TUSC3: variants seen among roughly 807,000 people sequenced by gnomAD.
TUSC3 encodes the protein tumor suppressor candidate 3, also known as dolichyl-diphosphooligosaccharide--protein glycosyltransferase subunit TUSC3.
In TUSC3, 45 loss-of-function variants were observed where a neutral mutation model predicts 44.8. That is an observed-to-expected ratio of 1.00 (90% CI 0.79 to 1.29). The LOEUF (loss-of-function observed/expected upper bound fraction) is 1.29, where lower values mean the gene tolerates loss of function less well. TUSC3 is among the 50% of genes most tolerant of loss of function. The pLI, the probability that TUSC3 is intolerant of heterozygous loss-of-function variation, is 0.00. For synonymous variants in TUSC3, 212 were observed against 152.9 expected, an observed-to-expected ratio of 1.39 and a Z score of -2.85; for missense variants, 519 against 437.9, an observed-to-expected ratio of 1.19 and a Z score of -1.65.
At position 15,754,679 on chromosome 8, in the gene TUSC3, A is replaced by T. The variant is rs150463508; in HGVS notation, c.1029-3112A>T. 3.4e-3 allele frequency among the ~76,000 whole-genome samples: 513 copies of T among 152,202 alleles called. 1 individual carries two copies. Among genetic ancestry groups the T allele is most frequent in the African/African-American group, 0.012 (490 of 41,536 alleles). On this transcript the variant is annotated intron_variant, in intron 9 of 10. Coordinates refer to ENST00000503731, the MANE Select transcript of TUSC3 (RefSeq NM_006765.4). Reference sequence around the variant, plus strand: ...GTTATGCCTCCGCCTTTTAGCCCTCAGTGTCTTCGTTTTGCATTTTTGTGA... The same window carrying T: ...GTTATGCCTCCGCCTTTTAGCCCTCTGTGTCTTCGTTTTGCATTTTTGTGA...
At chr8:15,657,909 C>T (rs144063342) in intron 3 of TUSC3, among the ~76,000 whole-genome samples, 5 of 152,234 alleles carry the variant, frequency 3.3e-5, no homozygotes, top group Admixed American at 1.3e-4. Flanking sequence ...TACCTGCCGG[C>T]GTCTTGCCAG....
At position 15,742,194 on chromosome 8, in the gene TUSC3, TAAAA is replaced by T. The variant is rs916639866; in HGVS notation, c.863-1343_863-1340del. ...TTTCAAGCTGTGTAGCATGGATCTCTAAAAGTTTAGTGCTAGTCTATGGTATGTG... is the reference window on the plus strand; with the variant it reads ...TTTCAAGCTGTGTAGCATGGATCTCTGTTTAGTGCTAGTCTATGGTATGTG... On this transcript the variant is annotated intron_variant, in intron 7 of 10. Transcript: ENST00000503731. 8.0e-5 allele frequency among the ~76,000 whole-genome samples: 4 copies of T among 50,062 alleles called. No homozygotes were observed. In the Admixed American group the frequency reaches 8.6e-4, roughly 11 times the overall value. The allele number at this position is 50,062 out of a possible 152,430, so 32.8% of individuals were successfully genotyped here. A position where few individuals can be genotyped will look rare whatever the true frequency, so the allele number is the denominator to read the frequency against.
intron 1 of TUSC3, among the ~76,000 whole-genome samples, chr8:15,428,383 G>T (rs1208153209): frequency 6.6e-6 from 1 of 151,638 alleles, no homozygotes; most frequent in Non-Finnish European, 1.5e-5. Flanking sequence ...TGGACATTTG[G>T]GTTGGTTCCA....
chr8:15,698,665 G>A (rs1346937164), intron 6 of TUSC3, among the ~76,000 whole-genome samples: 1 of 152,012 alleles, frequency 6.6e-6, no homozygotes, highest in Admixed American at 6.6e-5. Flanking sequence ...AGATATTTAG[G>A]ATATTTTTTC....
chr8:15,522,058 A>G (rs140713826), intron 2 of TUSC3, among the ~76,000 whole-genome samples: 277 of 152,256 alleles, frequency 1.8e-3, no homozygotes, highest in African/African-American at 5.8e-3. Context: ...TCTTTCCTCA[A>G]TGCTATGGCA....
the TUSC3 span, among the ~76,000 whole-genome samples, chr8:15,808,466 G>T: frequency 6.6e-6 from 1 of 152,118 alleles, no homozygotes; most frequent in Non-Finnish European, 1.5e-5. Context: ...AGCTTAAGGG[G>T]TTAGAAAAGT....
intron 2 of TUSC3, among the ~76,000 whole-genome samples, chr8:15,497,543 C>T (rs10101415): frequency 0.99 from 150,852 of 152,212 alleles, 74,761 homozygotes; most frequent in South Asian, 1. Context: ...GGCAATTCTT[C>T]GGAGGGGTGG....
chr8:15,818,159 G>A, the TUSC3 span, among the ~76,000 whole-genome samples: 4,174 of 152,286 alleles, frequency 0.027, 194 homozygotes, highest in African/African-American at 0.095. Flanking sequence ...GTCAGGGGAT[G>A]ATGTCAAGAC....
At chr8:15,698,115 T>C (rs1809247534) in intron 6 of TUSC3, among the ~76,000 whole-genome samples, 1 of 152,206 alleles carries the variant, frequency 6.6e-6, no homozygotes, top group Non-Finnish European at 1.5e-5. Flanking sequence ...AAAATGAATC[T>C]TAAAAAATAC....
chr8:15,688,925 T>A (rs534509981), intron 6 of TUSC3: 2 of 177,978 alleles, frequency 1.1e-5, no homozygotes, highest in African/African-American at 4.8e-5. Context: ...GCACCAGGGG[T>A]CGCCTGCTTG....
chr8:15,554,747 C>T (rs1802178758), intron 1 of TUSC3, among the ~76,000 whole-genome samples: 1 of 150,520 alleles, frequency 6.6e-6, no homozygotes, highest in African/African-American at 2.4e-5. Context: ...GGACCACAGG[C>T]GCCCTCACCA....
chr8:15,742,283 A>G (rs1811230319), intron 7 of TUSC3, among the ~76,000 whole-genome samples: 1 of 110,948 alleles, frequency 9.0e-6, no homozygotes. Context: ...GTTTTTCTTT[A>G]TTTTCCTTTT....
intron 2 of TUSC3, among the ~76,000 whole-genome samples, chr8:15,517,266 T>TA (rs1801230012): frequency 6.6e-6 from 1 of 152,110 alleles, no homozygotes; most frequent in Admixed American, 6.5e-5. Flanking sequence ...TGTAGTGTTG[T>TA]AAAAATTTAC....
intron 6 of TUSC3, among the ~76,000 whole-genome samples, chr8:15,699,226 C>A (rs1403762670): frequency 6.6e-6 from 1 of 150,420 alleles, no homozygotes; most frequent in Admixed American, 6.7e-5. Flanking sequence ...ACTGTAACAA[C>A]TATTCAGTGA....
chr8:15,565,470 A>T lies in TUSC3; in HGVS notation c.138+24902A>T, dbSNP rs1168849242. 2.0e-5 allele frequency among the ~76,000 whole-genome samples: 3 copies of T among 151,764 alleles called. No homozygotes were observed. In the East Asian group the frequency reaches 5.8e-4, roughly 30 times the overall value. On this transcript the variant is annotated intron_variant, in intron 1 of 10. Transcript: ENST00000503731. ...GGGTTGGGAAGGTCCCACTTTTCAG[A>T]CTCCCACAGCTACCTGCTTAGCTGT... is the stretch of plus-strand genomic sequence containing the variant.
intron 2 of TUSC3, among the ~76,000 whole-genome samples, chr8:15,641,361 C>CAAAAAAAA (rs34446791): frequency 2.0e-5 from 2 of 99,480 alleles, no homozygotes; most frequent in African/African-American, 3.9e-5. Context: ...GACTCCGTCT[C>CAAAAAAAA]AAAAAAAAAA....
intron 6 of TUSC3, among the ~76,000 whole-genome samples, chr8:15,722,504 C>A (rs1026618652): frequency 6.6e-6 from 1 of 152,096 alleles, no homozygotes; most frequent in Non-Finnish European, 1.5e-5. Context: ...CAGTTTCTCT[C>A]TTCCTATAAT....
intron 5 of TUSC3, among the ~76,000 whole-genome samples, chr8:15,662,582 A>G (rs534777583): frequency 6.6e-6 from 1 of 152,120 alleles, no homozygotes; most frequent in African/African-American, 2.4e-5. Flanking sequence ...ATCAGAATTA[A>G]TAGCTCAGAA....
intron 2 of TUSC3, among the ~76,000 whole-genome samples, chr8:15,518,871 A>G (rs1001649628): frequency 1.3e-5 from 2 of 152,228 alleles, no homozygotes; most frequent in Admixed American, 1.3e-4. Context: ...ATTTTAAAAT[A>G]AAAATGGAAT....
Sources: allele counts gnomAD v4.1 joint callset (sites outside exome capture counted in the v4.1 genomes callset), GRCh38; gene constraint gnomAD v4.1.1; transcripts MANE v1.5; gene names NCBI Gene and HGNC (gene_info 2026-07-23, HGNC 2026-07-21).